Variants in TMEM131L observed in about 807,000 individuals in gnomAD.
TMEM131L encodes transmembrane protein 131-like.
In TMEM131L, 54 loss-of-function variants were observed where a neutral mutation model predicts 192.2. The observed-to-expected ratio is 0.28, with a 90% confidence interval of 0.23 to 0.35. TMEM131L has a LOEUF of 0.35. TMEM131L is among the 10% of genes least tolerant of loss of function. The pLI is 1.00. For missense variants in TMEM131L, 1,888 were observed against 1,972.9 expected, an observed-to-expected ratio of 0.96 and a Z score of 0.82; for synonymous variants, 701 against 704.9, an observed-to-expected ratio of 0.99 and a Z score of 0.09.
At chr4:153,572,129 C>T (rs765169772) in intron 7 of TMEM131L, among the ~76,000 whole-genome samples, 1 of 151,766 alleles carries the variant, frequency 6.6e-6, no homozygotes, top group Non-Finnish European at 1.5e-5. Flanking sequence ...CAATGTGTAA[C>T]GATCCACTCA....
intron 3 of TMEM131L, among the ~76,000 whole-genome samples, chr4:153,499,474 T>C (rs967817094): frequency 1.3e-5 from 2 of 151,656 alleles, no homozygotes; most frequent in African/African-American, 4.9e-5. Flanking sequence ...GTTGCCAGGC[T>C]GGAGTGCAGT....
chr4:153,473,802 G>A (rs1731329879), intron 2 of TMEM131L, 43 bp from the exon 3 acceptor site: 8 of 1,510,246 alleles, frequency 5.3e-6, no homozygotes, highest in African/African-American at 1.4e-5. Flanking sequence ...AAAAACAAAC[G>A]AACAAACAGA....
intron 3 of TMEM131L, among the ~76,000 whole-genome samples, chr4:153,486,043 CA>C (rs1732307636): frequency 6.6e-6 from 1 of 152,038 alleles, no homozygotes; most frequent in African/African-American, 2.4e-5. Flanking sequence ...GCCACTTTCC[CA>C]ATTAGATGTA....
At chr4:153,576,256 G>A (rs1192646770) in intron 7 of TMEM131L, among the ~76,000 whole-genome samples, 1 of 152,084 alleles carries the variant, frequency 6.6e-6, no homozygotes, top group South Asian at 2.1e-4. Flanking sequence ...CACCGCGCCC[G>A]GCCCAATTGT....
chr4:153,577,287 G>A (rs1029867266), intron 7 of TMEM131L, among the ~76,000 whole-genome samples: 1 of 152,172 alleles, frequency 6.6e-6, no homozygotes, highest in African/African-American at 2.4e-5. Flanking sequence ...CAAGTGAGAA[G>A]TCTTTGAAGA....
At chr4:153,516,565 A>G (rs115369289) in intron 3 of TMEM131L, among the ~76,000 whole-genome samples, 171 of 152,264 alleles carry the variant, frequency 1.1e-3, no homozygotes, top group African/African-American at 4.0e-3. Flanking sequence ...AGTTTATTTA[A>G]AAGGAAAGAA....
At chr4:153,506,857 AAAAAG>A (rs1368176777) in intron 3 of TMEM131L, among the ~76,000 whole-genome samples, 1 of 149,154 alleles carries the variant, frequency 6.7e-6, no homozygotes, top group African/African-American at 2.4e-5. Flanking sequence ...AAAAAAAAAA[AAAAAG>A]AAGAAAGAAA....
At chr4:153,556,078 T>C (rs1294387886) in intron 5 of TMEM131L, among the ~76,000 whole-genome samples, 168 bp downstream of exon 5, 1 of 151,380 alleles carries the variant, frequency 6.6e-6, no homozygotes, top group Non-Finnish European at 1.5e-5. Flanking sequence ...CAGTTGCTCA[T>C]TTTTATAATT....
Position 153,592,538 on chromosome 4 carries a change from T to C in TMEM131L, c.1876T>C (p.Ser626Pro). 6.2e-7 allele frequency: 1 copy of C among 1,614,210 alleles called. No homozygotes were observed. Residue 626 changes from serine (S) to proline (P), a missense_variant, in exon 18 of 35, where the codon TCC becomes CCC. Transcript: ENST00000409959. ...WPVSLQLLPL[S>P]LYPKPEALVH... The stretch of plus-strand genomic sequence containing the variant: ...GGTCTCCTTGCAGCTCCTGCCTCTC[T>C]CCTTGTACCCTAAACCCGAAGCCCT...
intron 3 of TMEM131L, among the ~76,000 whole-genome samples, chr4:153,520,519 G>C (rs1007670095): frequency 1.3e-5 from 2 of 152,136 alleles, no homozygotes; most frequent in African/African-American, 4.8e-5. Flanking sequence ...AGAGTGCTCA[G>C]TTTGCATACA....
At chr4:153,568,854 C>T (rs573529598) in intron 7 of TMEM131L, among the ~76,000 whole-genome samples, 4 of 152,268 alleles carry the variant, frequency 2.6e-5, no homozygotes, top group East Asian at 3.9e-4. Flanking sequence ...GAACTAAAAC[C>T]GGCTTTGTAT....
At chr4:153,534,054 C>G (rs1185826692) in intron 3 of TMEM131L, among the ~76,000 whole-genome samples, 2 of 152,100 alleles carry the variant, frequency 1.3e-5, no homozygotes, top group Non-Finnish European at 2.9e-5. Context: ...TAGGATGAAG[C>G]CAGCTTTATA....
At chr4:153,593,660 G>A (rs1228132842) in intron 18 of TMEM131L, 139 bp from the exon 19 acceptor site, 1 of 625,112 alleles carries the variant, frequency 1.6e-6, no homozygotes. Context: ...CGGGTGGACA[G>A]GATGGGATGA....
At chr4:153,524,744 A>G (rs977693798) in intron 3 of TMEM131L, among the ~76,000 whole-genome samples, 1 of 152,232 alleles carries the variant, frequency 6.6e-6, no homozygotes, top group South Asian at 2.1e-4. Flanking sequence ...CCTGTGGTCT[A>G]TTAAGGTTAC....
chr4:153,488,286 G>A (rs967894628), intron 3 of TMEM131L, among the ~76,000 whole-genome samples: 1 of 152,198 alleles, frequency 6.6e-6, no homozygotes, highest in Non-Finnish European at 1.5e-5. Flanking sequence ...AGGCAAAACT[G>A]AAAGAAGTGT....
chr4:153,517,615 C>T (rs1040492206), intron 3 of TMEM131L, among the ~76,000 whole-genome samples: 1 of 152,160 alleles, frequency 6.6e-6, no homozygotes, highest in African/African-American at 2.4e-5. Flanking sequence ...TGCTCCTTAG[C>T]GCTCTTAATG....
chr4:153,501,943 GTTTTTTTTTT>G lies in TMEM131L; in HGVS notation c.239+28069_239+28078del, dbSNP rs575832226. On this transcript the variant is annotated intron_variant, in intron 3 of 34. Coordinates refer to ENST00000409959, the MANE Select transcript of TMEM131L (RefSeq NM_001131007.2). ...ACTTCCTGGAAGTATCCCCCAAAGG[GTTTTTTTTTT>G]TTTTTTTTTTTTTAAATGGAGACAG... Among the ~76,000 whole-genome samples the G allele has an allele frequency of 1.7e-4, 20 of 117,396 alleles. No homozygotes were observed. In the East Asian group the frequency reaches 3.7e-3, roughly 22 times the overall value. 77.0% of individuals were successfully genotyped at this position (117,396 alleles called of 152,430 possible).
Position 153,546,305 on chromosome 4 carries a change from T to C in TMEM131L, c.240-3768T>C, listed in dbSNP as rs75506380. 6.4e-3 allele frequency among the ~76,000 whole-genome samples: 978 copies of C among 152,022 alleles called. 20 individuals carry two copies. The East Asian group carries it at 0.086, about 13-fold the overall frequency. ...AAATTTATCATTGATTTCTACAAGA[T>C]GCATGTAATTATTTGATGCCAGGTT... On this transcript the variant is annotated intron_variant, in intron 3 of 34. Coordinates refer to ENST00000409959, the MANE Select transcript of TMEM131L (RefSeq NM_001131007.2).
intron 29 of TMEM131L, among the ~76,000 whole-genome samples, chr4:153,624,647 A>G (rs979762475): frequency 2.0e-5 from 3 of 152,190 alleles, no homozygotes; most frequent in Middle Eastern, 3.2e-3. Flanking sequence ...TGTCATCTGA[A>G]GACTCAGCCT....
Sources: allele counts gnomAD v4.1 joint callset (sites outside exome capture counted in the v4.1 genomes callset), GRCh38; gene constraint gnomAD v4.1.1; transcripts MANE v1.5; gene names NCBI Gene and HGNC (gene_info 2026-07-23, HGNC 2026-07-21).